The following ARHGAP32 variants were observed in gnomAD, a reference collection of about 807,000 sequenced individuals.
The protein encoded by ARHGAP32 is Rho GTPase activating protein 32.
ARHGAP32 carries 51 observed loss-of-function variants against 186.5 expected under a neutral mutation model. The observed-to-expected ratio is 0.27, with a 90% confidence interval of 0.22 to 0.35. The LOEUF is 0.35. Ranked by LOEUF, ARHGAP32 falls within the 10% of genes least tolerant of loss-of-function variation. ARHGAP32 has a pLI of 1.00. For missense variants in ARHGAP32, 2,186 were observed against 2,623.5 expected (o/e 0.83, Z 3.64); for synonymous variants, 950 against 964.3 (o/e 0.99, Z 0.27).
chr11:129,202,501 C>A (rs1944466490), intron 1 of ARHGAP32, among the ~76,000 whole-genome samples: 1 of 151,640 alleles, frequency 6.6e-6, no homozygotes, highest in Non-Finnish European at 1.5e-5. Flanking sequence ...CAAGATAAAT[C>A]AAAAATAGAA....
intron 12 of ARHGAP32, among the ~76,000 whole-genome samples, chr11:128,990,672 G>T (rs1194397544): frequency 6.6e-6 from 1 of 152,162 alleles, no homozygotes; most frequent in Non-Finnish European, 1.5e-5. Flanking sequence ...GAAATGATAT[G>T]CAAAATACAT....
intron 1 of ARHGAP32, among the ~76,000 whole-genome samples, chr11:129,265,816 T>G (rs535628167): frequency 6.6e-6 from 1 of 152,208 alleles, no homozygotes; most frequent in Non-Finnish European, 1.5e-5. Flanking sequence ...TCTAACCTTA[T>G]ATAAATGAGT....
At chr11:129,182,674 C>A (rs1417852187) in intron 1 of ARHGAP32, among the ~76,000 whole-genome samples, 2 of 150,236 alleles carry the variant, frequency 1.3e-5, no homozygotes, top group African/African-American at 4.9e-5. Context: ...GACAGGGTCT[C>A]GCTCTATTTC....
intron 11 of ARHGAP32, among the ~76,000 whole-genome samples, chr11:129,008,225 T>A (rs1257533885): frequency 6.6e-6 from 1 of 152,186 alleles, no homozygotes; most frequent in Non-Finnish European, 1.5e-5. Flanking sequence ...TGAGGGTATT[T>A]TTTTATGCGT....
chr11:129,134,049 A>C (rs1025651662), intron 2 of ARHGAP32, among the ~76,000 whole-genome samples: 10 of 152,168 alleles, frequency 6.6e-5, no homozygotes, highest in African/African-American at 2.4e-4. Flanking sequence ...TAATAATTTT[A>C]AGTATAATAT....
intron 11 of ARHGAP32, among the ~76,000 whole-genome samples, chr11:129,034,539 G>T (rs1408331067): frequency 6.6e-6 from 1 of 151,772 alleles, no homozygotes; most frequent in Non-Finnish European, 1.5e-5. Flanking sequence ...AAAGGTGGAT[G>T]ATGCAAAAAG....
chr11:129,088,265 A>G (rs538874010), intron 6 of ARHGAP32, among the ~76,000 whole-genome samples: 2 of 152,350 alleles, frequency 1.3e-5, no homozygotes, highest in African/African-American at 2.4e-5. Flanking sequence ...CTTTAAATGT[A>G]AAGTACTTTC....
intron 1 of ARHGAP32, among the ~76,000 whole-genome samples, chr11:129,202,306 T>A (rs1008248675): frequency 6.6e-6 from 1 of 152,166 alleles, no homozygotes; most frequent in Non-Finnish European, 1.5e-5. Context: ...CACTCTACAG[T>A]TTCTTCTCTT....
intron 1 of ARHGAP32, among the ~76,000 whole-genome samples, chr11:129,235,001 C>A (rs906443648): frequency 5.3e-5 from 8 of 152,140 alleles, no homozygotes; most frequent in African/African-American, 1.9e-4. Flanking sequence ...ATTTAGAAAA[C>A]AACTTTACAA....
At chr11:129,197,312 C>G (rs865873566), upstream of ARHGAP32, among the ~76,000 whole-genome samples, 1 of 152,142 alleles carries the variant, frequency 6.6e-6, no homozygotes, top group Non-Finnish European at 1.5e-5. Context: ...TTTGGGTTCA[C>G]TATCAGGGGA....
intron 2 of ARHGAP32, among the ~76,000 whole-genome samples, chr11:129,154,805 C>T (rs1364344893): frequency 6.6e-6 from 1 of 151,830 alleles, no homozygotes; most frequent in African/African-American, 2.4e-5. Flanking sequence ...GACAGGTGCA[C>T]CAAAATCTCA....
intron 5 of ARHGAP32, among the ~76,000 whole-genome samples, chr11:129,101,787 A>AT (rs1941908358): frequency 6.6e-6 from 1 of 152,214 alleles, no homozygotes; most frequent in African/African-American, 2.4e-5. Flanking sequence ...GTATTTCAGG[A>AT]TATCATCCAT....
intron 6 of ARHGAP32, among the ~76,000 whole-genome samples, chr11:129,085,314 G>C (rs1941353657): frequency 6.6e-6 from 1 of 152,050 alleles, no homozygotes; most frequent in Non-Finnish European, 1.5e-5. Context: ...GCATGAGCCA[G>C]CACACAACAA....
In ARHGAP32 at chr11:128,970,059, A is replaced by G. The variant is rs753262980; in HGVS notation, c.5154T>C (p.Tyr1718=). The change falls in exon 23 of 23, where the codon TAT becomes TAC. Residue 1718 remains tyrosine (Y), a synonymous_variant. Coordinates refer to ENST00000682385, the MANE Select transcript of ARHGAP32 (RefSeq NM_001378024.1). The surrounding 1 kb of genome is among the most constrained non-coding windows in gnomAD (Gnocchi z 5.8). ...CCCGGGGACGTGGAGCCAAACCAGC[A>G]TAACTGTACAAGCTCTTTCCTTGCA... ...PRLQGKSLYS[Y]AGLAPRPRAN... The G allele has an allele frequency of 8.1e-6, 13 of 1,614,088 alleles. No homozygotes were observed. Among genetic ancestry groups the G allele is most frequent in the African/African-American group, 4.0e-5 (3 of 74,944 alleles).
chr11:129,023,798 G>C (rs1459994176), intron 11 of ARHGAP32: 1 of 735,024 alleles, frequency 1.4e-6, no homozygotes, highest in East Asian at 1.3e-4. Flanking sequence ...CATAGTTTCA[G>C]TGAAAAATTC....
intron 5 of ARHGAP32, among the ~76,000 whole-genome samples, chr11:129,095,632 A>T (rs1941708785): frequency 6.6e-6 from 1 of 152,216 alleles, no homozygotes. Context: ...CTCTGAAGGC[A>T]CTCAGGACAC....
At chr11:129,030,539 C>T (rs547819542) in intron 11 of ARHGAP32, 7 of 151,900 alleles carry the variant, frequency 4.6e-5, no homozygotes, top group Non-Finnish European at 1.0e-4. Context: ...CTACTCTTTT[C>T]TGTCTTCTCA....
chr11:129,123,653 A>G lies in ARHGAP32; in HGVS notation c.360-123T>C, dbSNP rs1942587513. 1 of 857,016 alleles carries G rather than the reference A, an allele frequency of 1.2e-6. No homozygotes were observed. 53.1% of individuals were successfully genotyped at this position (857,016 alleles called of 1,614,324 possible). ...AAAAATATTTCGTAAGCACATGCGC[A>G]TGAGCCACACATATCCGCACAAATC... On this transcript the variant is annotated intron_variant, in intron 4 of 22. Coordinates refer to ENST00000682385, the MANE Select transcript of ARHGAP32 (RefSeq NM_001378024.1). This position sits in a 1 kb window ranked among gnomAD's most constrained non-coding sequence, Gnocchi z 4.6.
At chr11:129,018,088 C>T (rs1023084826) in intron 11 of ARHGAP32, among the ~76,000 whole-genome samples, 7 of 152,080 alleles carry the variant, frequency 4.6e-5, no homozygotes, top group Middle Eastern at 3.4e-3. Context: ...AAGTGCAGAA[C>T]GTGCAGAAGG....
Sources: gnomAD v4.1 joint callset for allele counts (sites outside exome capture counted in the v4.1 genomes callset) on GRCh38, gnomAD v4.1.1 for gene constraint, Gnocchi (gnomAD v3.1) non-coding constraint, MANE v1.5 for transcripts, NCBI Gene and HGNC (gene_info 2026-07-23, HGNC 2026-07-21) for gene names.